MMP26: variants seen among roughly 807,000 people sequenced by gnomAD.
The protein encoded by MMP26 is matrix metallopeptidase 26, also known as matrix metalloproteinase-26.
A neutral mutation model predicts 31.0 loss-of-function variants in MMP26; 33 were observed. The observed-to-expected ratio is 1.06, with a 90% confidence interval of 0.81 to 1.42. The LOEUF (loss-of-function observed/expected upper bound fraction) is 1.42, where lower values mean the gene tolerates loss of function less well. MMP26 is among the 40% of genes most tolerant of loss of function. The pLI, the probability that MMP26 is intolerant of heterozygous loss-of-function variation, is 0.00. For missense variants in MMP26, 347 were observed against 316.1 expected (o/e 1.10, Z -0.74); for synonymous variants, 122 against 114.9 (o/e 1.06, Z -0.40).
chr11:4,891,627 ATTGACTAT>A (rs1334601185), intron 2 of MMP26, among the ~76,000 whole-genome samples: 1 of 152,198 alleles, frequency 6.6e-6, no homozygotes, highest in African/African-American at 2.4e-5. Context: ...GCCATGTATG[ATTGACTAT>A]TAACCCTCTC....
At chr11:4,941,654 T>G (rs984175973) in intron 2 of MMP26, among the ~76,000 whole-genome samples, 4 of 152,160 alleles carry the variant, frequency 2.6e-5, no homozygotes, top group Non-Finnish European at 4.4e-5. Flanking sequence ...TGAGGCATGC[T>G]GCTTGACTAT....
intron 2 of MMP26, among the ~76,000 whole-genome samples, chr11:4,802,285 T>C (rs888948453): frequency 8.5e-5 from 13 of 152,190 alleles, no homozygotes; most frequent in African/African-American, 1.9e-4. Flanking sequence ...CCCTATTCTA[T>C]CCCCACCTTT....
intron 2 of MMP26, among the ~76,000 whole-genome samples, chr11:4,856,070 A>G (rs534476173): frequency 1.2e-4 from 19 of 152,226 alleles, no homozygotes; most frequent in Non-Finnish European, 2.6e-4. Context: ...CTCACGAAGG[A>G]AGCACTAAAC....
At chr11:4,981,617 C>A (rs1846814594) in intron 2 of MMP26, among the ~76,000 whole-genome samples, 1 of 151,780 alleles carries the variant, frequency 6.6e-6, no homozygotes, top group African/African-American at 2.4e-5. Flanking sequence ...TACACTTAGG[C>A]TACCCTAAAT....
intron 1 of MMP26, among the ~76,000 whole-genome samples, chr11:4,730,690 C>T (rs1318691645): frequency 6.6e-6 from 1 of 152,152 alleles, no homozygotes; most frequent in African/African-American, 2.4e-5. Context: ...AGCAGTAAGA[C>T]ATCCCTTAGA....
chr11:4,923,519 A>G, intron 2 of MMP26: 2 of 1,614,190 alleles, frequency 1.2e-6, no homozygotes, highest in Non-Finnish European at 1.7e-6. Flanking sequence ...GAAGAGGTGT[A>G]CAACGCGGGG....
In MMP26 at chr11:4,956,134, A is replaced by T. The variant is rs138330928; in HGVS notation, c.-144-31934A>T. Among the ~76,000 whole-genome samples the T allele has an allele frequency of 5.9e-4, 90 of 152,350 alleles. 2 individuals are homozygous for T. The highest frequency in any genetic ancestry group is 1.5e-3 in the African/African-American group (63 of 41,596). On this transcript the variant is annotated intron_variant, in intron 2 of 7. Transcript: ENST00000380390. ...GTTCTATGTGATCAGTTGCCAAAAA[A>T]GAAGTCAAGTGAAAGCCAAATAAAT...
intron 2 of MMP26, among the ~76,000 whole-genome samples, chr11:4,918,013 G>A (rs540556004): frequency 8.6e-5 from 13 of 151,542 alleles, no homozygotes; most frequent in Non-Finnish European, 1.8e-4. Flanking sequence ...GAAAGAAATA[G>A]AATTACTGAA....
intron 2 of MMP26, among the ~76,000 whole-genome samples, chr11:4,805,645 G>A (rs991103660): frequency 6.6e-6 from 1 of 152,122 alleles, no homozygotes; most frequent in Non-Finnish European, 1.5e-5. Flanking sequence ...AAATATTCCT[G>A]AGGAAAGTAG....
chr11:4,723,753 G>A lies in MMP26; in HGVS notation c.-217+18708G>A, dbSNP rs1043745796. ...GCCTAAGGTTGTTGATGTAGCTCTC[G>A]AACATGTTGTCCATGTTGCTCCGAG... is the stretch of plus-strand genomic sequence containing the variant. On this transcript the variant is annotated intron_variant, in intron 1 of 7. Coordinates refer to ENST00000380390, the MANE Select transcript of MMP26 (RefSeq NM_021801.5). 30 of 1,431,816 alleles carry A rather than the reference G, an allele frequency of 2.1e-5. No individual in the cohort carries two copies. The Middle Eastern group carries it at 9.8e-4, about 47-fold the overall frequency. 88.7% of individuals were successfully genotyped at this position (1,431,816 alleles called of 1,614,324 possible).
At chr11:4,767,061 T>C (rs1392675330) in intron 1 of MMP26, among the ~76,000 whole-genome samples, 1 of 152,182 alleles carries the variant, frequency 6.6e-6, no homozygotes, top group African/African-American at 2.4e-5. Flanking sequence ...AATGGCATTG[T>C]TTTATCAAAA....
At chr11:4,778,989 G>T (rs1392903240) in intron 2 of MMP26, among the ~76,000 whole-genome samples, 1 of 151,906 alleles carries the variant, frequency 6.6e-6, no homozygotes. Context: ...GTCAATTATT[G>T]TATGTAGTGC....
intron 2 of MMP26, among the ~76,000 whole-genome samples, chr11:4,901,447 A>G (rs1353829608): frequency 2.0e-5 from 3 of 152,034 alleles, no homozygotes; most frequent in African/African-American, 4.8e-5. Flanking sequence ...GGTGTGAGCC[A>G]CCATGCCCGG....
At chr11:4,863,163 A>T (rs1381463707) in intron 2 of MMP26, among the ~76,000 whole-genome samples, 2 of 151,864 alleles carry the variant, frequency 1.3e-5, no homozygotes, top group East Asian at 3.9e-4. Flanking sequence ...ATTCTTGTTT[A>T]CCCCTGCTGT....
Position 4,841,312 on chromosome 11 carries a change from C to A in MMP26, c.-145+73971C>A, listed in dbSNP as rs184934440. Among the ~76,000 whole-genome samples, 42 of 152,140 alleles carry A rather than the reference C, an allele frequency of 2.8e-4. 1 individual carries two copies. Among genetic ancestry groups the A allele is most frequent in the African/African-American group, 9.9e-4 (41 of 41,514 alleles). On this transcript the variant is annotated intron_variant, in intron 2 of 7. Coordinates refer to ENST00000380390, the MANE Select transcript of MMP26 (RefSeq NM_021801.5). ...AGAGAAAGTTGTTAATATAAAAGTA[C>A]AAGAAGGTTAGAGAATACCGAATCA... is the stretch of plus-strand genomic sequence containing the variant.
intron 2 of MMP26, among the ~76,000 whole-genome samples, chr11:4,868,855 G>A (rs1314448005): frequency 6.6e-6 from 1 of 152,118 alleles, no homozygotes; most frequent in Non-Finnish European, 1.5e-5. Flanking sequence ...GCATGGTGCT[G>A]GTACCAAAAC....
At chr11:4,843,079 C>A (rs1180145663) in intron 2 of MMP26, among the ~76,000 whole-genome samples, 2 of 152,240 alleles carry the variant, frequency 1.3e-5, no homozygotes, top group Non-Finnish European at 2.9e-5. Context: ...AGGCCTTCAG[C>A]ACCTGTGCCC....
At chr11:4,822,033 G>T in intron 2 of MMP26, 1 of 1,613,822 alleles carries the variant, frequency 6.2e-7, no homozygotes, top group Non-Finnish European at 8.5e-7. Flanking sequence ...GTCTGTTTGC[G>T]CTTTTGTCCA....
At chr11:4,863,678 G>A (rs1850195703) in intron 2 of MMP26, 2 of 152,134 alleles carry the variant, frequency 1.3e-5, no homozygotes, top group African/African-American at 4.8e-5. Flanking sequence ...AGACTAGCAT[G>A]TAGAGCCTTT....
Sources: allele counts gnomAD v4.1 joint callset (sites outside exome capture counted in the v4.1 genomes callset), GRCh38; gene constraint gnomAD v4.1.1; transcripts MANE v1.5; gene names NCBI Gene and HGNC (gene_info 2026-07-23, HGNC 2026-07-21).